EXOC2: variants seen among roughly 807,000 people sequenced by gnomAD.
The protein encoded by EXOC2 is exocyst complex component 2, also known as SEC5-like 1.
In EXOC2, 70 loss-of-function variants were observed where a neutral mutation model predicts 131.8. That is an observed-to-expected ratio of 0.53 (90% CI 0.44 to 0.65). The LOEUF is 0.65. EXOC2 is among the 30% of genes least tolerant of loss of function. The pLI, the probability that EXOC2 is intolerant of heterozygous loss-of-function variation, is 0.00. For missense variants in EXOC2, 923 were observed against 1,108.6 expected, an observed-to-expected ratio of 0.83 and a Z score of 2.38; for synonymous variants, 411 against 398.4, an observed-to-expected ratio of 1.03 and a Z score of -0.38.
At chr6:530,952 T>C (rs1766040615) in intron 23 of EXOC2, among the ~76,000 whole-genome samples, 1 of 152,216 alleles carries the variant, frequency 6.6e-6, no homozygotes, top group Admixed American at 6.5e-5. Flanking sequence ...ATAAGTAATC[T>C]AGAAATGATT....
intron 1 of EXOC2, among the ~76,000 whole-genome samples, chr6:672,266 T>G (rs191463700): frequency 1.3e-5 from 2 of 152,344 alleles, no homozygotes; most frequent in East Asian, 3.9e-4. Flanking sequence ...TTTCTACCAT[T>G]TCTTTTTCAT....
intron 12 of EXOC2, among the ~76,000 whole-genome samples, chr6:572,931 G>T (rs946601753): frequency 6.6e-6 from 1 of 152,200 alleles, no homozygotes; most frequent in African/African-American, 2.4e-5. Context: ...CTCAGTACTG[G>T]GAGGGCTACC....
At chr6:666,721 T>C (rs72650635) in intron 1 of EXOC2, among the ~76,000 whole-genome samples, 11,189 of 96,858 alleles carry the variant, frequency 0.12, 4,365 homozygotes, top group East Asian at 0.71. Flanking sequence ...TAGTTTACAC[T>C]GGGGCTCTTT....
chr6:492,404 T>C (rs1425182043), intron 25 of EXOC2, among the ~76,000 whole-genome samples: 2 of 152,236 alleles, frequency 1.3e-5, no homozygotes, highest in Non-Finnish European at 2.9e-5. Context: ...CGCTCCTTGG[T>C]ATGCACGCAC....
chr6:613,512 T>C lies in EXOC2; in HGVS notation c.662-3334A>G, dbSNP rs188104069. Among the ~76,000 whole-genome samples, 13 of 152,364 alleles carry C rather than the reference T, an allele frequency of 8.5e-5. No homozygotes were observed. In the East Asian group the frequency reaches 2.5e-3, roughly 29 times the overall value. On this transcript the variant is annotated intron_variant, in intron 6 of 27. Coordinates refer to ENST00000230449, the MANE Select transcript of EXOC2 (RefSeq NM_018303.6). ...AGGGCTCTGATTTGTACCTGTCCCC[T>C]GTGCCCAACACTGGAACACAAGGAT...
At chr6:618,944 A>T (rs941114510) in intron 5 of EXOC2, among the ~76,000 whole-genome samples, 2 of 152,232 alleles carry the variant, frequency 1.3e-5, no homozygotes, top group Non-Finnish European at 2.9e-5. Context: ...AGAAGACAGA[A>T]GGGAACCTTC....
intron 1 of EXOC2, among the ~76,000 whole-genome samples, chr6:647,813 T>C (rs1762645778): frequency 6.6e-6 from 1 of 151,574 alleles, no homozygotes; most frequent in Non-Finnish European, 1.5e-5. Flanking sequence ...CTTAACTATG[T>C]TACCCTCAAA....
chr6:552,324 T>C (rs1056320648), intron 21 of EXOC2, among the ~76,000 whole-genome samples: 2 of 152,240 alleles, frequency 1.3e-5, no homozygotes, highest in Non-Finnish European at 2.9e-5. Context: ...TGCTTTGCAC[T>C]GATGACCCTG....
At chr6:613,245 C>CCTTG (rs1760806017) in intron 6 of EXOC2, among the ~76,000 whole-genome samples, 1 of 152,116 alleles carries the variant, frequency 6.6e-6, no homozygotes, top group South Asian at 2.1e-4. Flanking sequence ...TTATGCCAGA[C>CCTTG]ACACTTCTTG....
chr6:534,079 A>C (rs985794418), intron 22 of EXOC2, among the ~76,000 whole-genome samples: 2 of 152,226 alleles, frequency 1.3e-5, no homozygotes, highest in South Asian at 4.1e-4. Context: ...GTAGATTAAC[A>C]CAAGGAACTC....
intron 6 of EXOC2, among the ~76,000 whole-genome samples, chr6:613,542 C>T (rs937390606): frequency 1.1e-4 from 17 of 152,256 alleles, no homozygotes; most frequent in Admixed American, 2.0e-4. Flanking sequence ...AAGGATGGCA[C>T]AGACCAGAAA....
chr6:624,410 G>C (rs1431300556), intron 4 of EXOC2, among the ~76,000 whole-genome samples: 1 of 152,210 alleles, frequency 6.6e-6, no homozygotes, highest in Non-Finnish European at 1.5e-5. Context: ...AGTAGATAAT[G>C]CTTGTGGAAG....
At chr6:592,383 G>T in intron 11 of EXOC2, 86 bp downstream of exon 11, 2 of 1,155,674 alleles carry the variant, frequency 1.7e-6, no homozygotes, top group Non-Finnish European at 2.5e-6. Flanking sequence ...AAATTAGGTA[G>T]TCAGTGCCTT....
intron 23 of EXOC2, among the ~76,000 whole-genome samples, chr6:523,817 G>A (rs1157201082): frequency 6.6e-6 from 1 of 152,198 alleles, no homozygotes; most frequent in Admixed American, 6.5e-5. Context: ...TAACTCATAT[G>A]ATTAAAATGC....
chr6:576,608 G>A, intron 12 of EXOC2, 149 bp downstream of exon 12: 7 of 723,320 alleles, frequency 9.7e-6, no homozygotes, highest in Non-Finnish European at 1.5e-5. Flanking sequence ...TAAATTACTG[G>A]TAGTTACTGT....
chr6:503,699 G>C (rs982723048), intron 23 of EXOC2, among the ~76,000 whole-genome samples: 1 of 152,168 alleles, frequency 6.6e-6, no homozygotes, highest in Admixed American at 6.5e-5. Flanking sequence ...GATAGGAACA[G>C]AGGAAGGGCA....
intron 1 of EXOC2, among the ~76,000 whole-genome samples, chr6:691,673 A>G (rs1274262720): frequency 1.3e-5 from 2 of 152,234 alleles, no homozygotes; most frequent in Non-Finnish European, 2.9e-5. Context: ...CAAAAGTTAC[A>G]TGGAAATTTT....
At chr6:558,560 C>T (rs961000482) in intron 17 of EXOC2, among the ~76,000 whole-genome samples, 4 of 152,100 alleles carry the variant, frequency 2.6e-5, no homozygotes, top group Admixed American at 2.6e-4. Context: ...GCTCGTAATC[C>T]CGGCACTTTG....
At chr6:606,411 TATA>T (rs1331449650) in intron 7 of EXOC2, among the ~76,000 whole-genome samples, 4 of 151,560 alleles carry the variant, frequency 2.6e-5, no homozygotes, top group Admixed American at 6.6e-5. Flanking sequence ...GAACTTAAAG[TATA>T]ATAATAAAAA....
Sources: gnomAD v4.1 joint callset for allele counts (sites outside exome capture counted in the v4.1 genomes callset) on GRCh38, gnomAD v4.1.1 for gene constraint, MANE v1.5 for transcripts, NCBI Gene and HGNC (gene_info 2026-07-23, HGNC 2026-07-21) for gene names.